Variants in PLXNA4 observed in about 807,000 individuals in gnomAD.
PLXNA4 encodes the protein plexin-A4.
PLXNA4 carries 44 observed loss-of-function variants against 191.8 expected under a neutral mutation model. The ratio of observed to expected loss-of-function variants is 0.23; its 90% CI spans 0.18 to 0.29. The LOEUF is 0.29. Ranked by LOEUF, PLXNA4 falls within the 10% of genes least tolerant of loss-of-function variation. The probability of loss-of-function intolerance (pLI) is 1.00; values close to 1 mark genes in which losing one functional copy is unlikely to be tolerated. For missense variants in PLXNA4, 1,800 were observed against 2,488.8 expected (o/e 0.72, Z 5.89); for synonymous variants, 1,082 against 1,009.5 (o/e 1.07, Z -1.36).
intron 1 of PLXNA4, among the ~76,000 whole-genome samples, chr7:132,569,980 T>C (rs925374810): frequency 2.6e-5 from 4 of 152,224 alleles, no homozygotes; most frequent in African/African-American, 9.6e-5. Context: ...ACAGTAGTCA[T>C]AGCAAAGTGC....
chr7:132,377,960 T>A (rs967966142), intron 3 of PLXNA4, among the ~76,000 whole-genome samples: 1 of 152,128 alleles, frequency 6.6e-6, no homozygotes, highest in Non-Finnish European at 1.5e-5. Flanking sequence ...AGGCAATGGA[T>A]AGGGCTTTCA....
At chr7:132,150,524 A>G in intron 25 of PLXNA4, among the ~76,000 whole-genome samples, 1 of 152,210 alleles carries the variant, frequency 6.6e-6, no homozygotes, top group East Asian at 1.9e-4. Flanking sequence ...GGCACAACAA[A>G]AAAAAGGAGC....
At chr7:132,579,438 C>CGTGT (rs113591004), upstream of PLXNA4, among the ~76,000 whole-genome samples, 5 of 145,404 alleles carry the variant, frequency 3.4e-5, no homozygotes, top group South Asian at 2.2e-4. Context: ...TGTGTGTGTG[C>CGTGT]GTGTGTGTGT....
intron 13 of PLXNA4, among the ~76,000 whole-genome samples, chr7:132,198,131 G>A (rs564027446): frequency 6.6e-6 from 1 of 152,164 alleles, no homozygotes; most frequent in African/African-American, 2.4e-5. Flanking sequence ...TGCTGGGGGG[G>A]ATGTGAGCGG....
At chr7:132,492,471 C>A (rs937795457) in intron 2 of PLXNA4, among the ~76,000 whole-genome samples, 10 of 152,212 alleles carry the variant, frequency 6.6e-5, no homozygotes, top group African/African-American at 2.4e-4. Flanking sequence ...CAGGCAAGAT[C>A]TGGGACAATG....
intron 3 of PLXNA4, among the ~76,000 whole-genome samples, chr7:132,302,743 C>A (rs1424720138): frequency 6.6e-6 from 1 of 151,768 alleles, no homozygotes; most frequent in Non-Finnish European, 1.5e-5. Context: ...GGAAAGACAG[C>A]CCATGCCAGA....
At chr7:132,564,057 T>C (rs1254305710) in intron 1 of PLXNA4, among the ~76,000 whole-genome samples, 2 of 44,696 alleles carry the variant, frequency 4.5e-5, no homozygotes, top group Admixed American at 5.5e-4. Context: ...TCCCCCTCTT[T>C]CTCCTCCTCC....
chr7:132,555,561 G>A (rs906921151), intron 1 of PLXNA4, among the ~76,000 whole-genome samples: 1 of 152,302 alleles, frequency 6.6e-6, no homozygotes, highest in South Asian at 2.1e-4. Flanking sequence ...CAAGCAGTGT[G>A]CAAGCTATTT....
In PLXNA4 at chr7:132,187,593, TGA is replaced by T; in HGVS notation, c.2869_2870del (p.Ser957ArgfsTer56). On this transcript the variant is annotated frameshift_variant, in exon 15 of 32. Transcript: ENST00000321063. LOFTEE classifies it high-confidence loss of function. Reference protein sequence around the residue: ...QLYYFMTLTLSDLKPSRGPMS... With the variant: ...QLYYFMTLTLXDLKPSRGPMS... ...TGGGCCCCCGGCTGGGCTTCAGATC[TGA>T]GAGAGTCAGTGTCTGTGTAGAAAGG... 1 of 1,613,334 alleles carries T rather than the reference TGA, an allele frequency of 6.2e-7. No homozygotes were observed. The highest frequency in any genetic ancestry group is 8.5e-7 in the Non-Finnish European group (1 of 1,179,582).
intron 13 of PLXNA4, among the ~76,000 whole-genome samples, chr7:132,196,934 A>G (rs1797271344): frequency 6.6e-6 from 1 of 152,158 alleles, no homozygotes; most frequent in Admixed American, 6.6e-5. Flanking sequence ...TTTATTTATA[A>G]AAGCTCTTTA....
intron 4 of PLXNA4, among the ~76,000 whole-genome samples, chr7:132,295,229 A>C (rs1291652955): frequency 2.6e-5 from 4 of 152,224 alleles, no homozygotes; most frequent in Admixed American, 6.5e-5. Flanking sequence ...TTAGGCTGGC[A>C]AGGCATCGGA....
Position 132,540,569 on chromosome 7 carries a change from C to CTTTTTTTTTTT in PLXNA4, c.-86-31801_-86-31791dup, listed in dbSNP as rs71915138. Reference sequence around the variant, plus strand: ...AGCAGAAGGTGTAGTGTGGACCGTTCTTTTTTTTTTTTTTTTTTTTTTTTT... The same window carrying CTTTTTTTTTTT: ...AGCAGAAGGTGTAGTGTGGACCGTTCTTTTTTTTTTTTTTTTTTTTTTTTTTTTTTTTTTTT... On this transcript the variant is annotated intron_variant, in intron 1 of 31. Transcript: ENST00000321063. 4.5e-3 allele frequency among the ~76,000 whole-genome samples: 277 copies of CTTTTTTTTTTT among 61,002 alleles called. 67 individuals carry two copies. Among genetic ancestry groups the CTTTTTTTTTTT allele is most frequent in the South Asian group, 6.3e-3 (6 of 954 alleles). The allele number at this position is 61,002 out of a possible 152,430, so 40.0% of individuals were successfully genotyped here.
At chr7:132,498,443 A>C (rs540347528) in intron 2 of PLXNA4, among the ~76,000 whole-genome samples, 24 of 152,060 alleles carry the variant, frequency 1.6e-4, no homozygotes, top group Non-Finnish European at 3.2e-4. Flanking sequence ...GTGTGCAGGG[A>C]AACACCCCCT....
At chr7:132,279,864 G>T (rs999226805) in intron 4 of PLXNA4, among the ~76,000 whole-genome samples, 8 of 152,150 alleles carry the variant, frequency 5.3e-5, no homozygotes, top group Admixed American at 4.6e-4. Context: ...TGAGATGGGA[G>T]CCGGACGCCC....
At chr7:132,588,677 A>AAGGGAAGGGG (rs1802547911) in intron 2 of PLXNA4, among the ~76,000 whole-genome samples, 1 of 105,238 alleles carries the variant, frequency 9.5e-6, no homozygotes, top group Non-Finnish European at 1.9e-5. Flanking sequence ...AAGGGAAGGG[A>AAGGGAAGGGG]AGGGAGGAGG....
intron 15 of PLXNA4, among the ~76,000 whole-genome samples, chr7:132,186,743 C>T (rs1796890775): frequency 6.6e-6 from 1 of 152,192 alleles, no homozygotes; most frequent in African/African-American, 2.4e-5. Flanking sequence ...CATTCCTGGG[C>T]ACAGACCAAG....
At chr7:132,540,814 C>T (rs1800046692) in intron 1 of PLXNA4, among the ~76,000 whole-genome samples, 1 of 151,642 alleles carries the variant, frequency 6.6e-6, no homozygotes, top group Admixed American at 6.6e-5. Context: ...GTCTCGATCT[C>T]CTGACCTCAT....
At chr7:132,222,911 G>A (rs1032282065) in intron 9 of PLXNA4, among the ~76,000 whole-genome samples, 1 of 152,120 alleles carries the variant, frequency 6.6e-6, no homozygotes, top group African/African-American at 2.4e-5. Flanking sequence ...CCACTGGGAG[G>A]GCCTGTTTAA....
chr7:132,273,580 G>A lies in PLXNA4; in HGVS notation c.1503+24511C>T, dbSNP rs567668437. On this transcript the variant is annotated intron_variant, in intron 4 of 31. Transcript: ENST00000321063. ...TAGTATTATGCTGCATGGTAATTCC[G>A]CTTAGAGGCAAAGAGGAGAGGGGAG... is the stretch of plus-strand genomic sequence containing the variant. Among the ~76,000 whole-genome samples, 9 of 152,260 alleles carry A rather than the reference G, an allele frequency of 5.9e-5. No individual in the cohort carries two copies. The South Asian group carries it at 1.7e-3, about 28-fold the overall frequency.
Sources: gnomAD v4.1 joint callset for allele counts (sites outside exome capture counted in the v4.1 genomes callset) on GRCh38, gnomAD v4.1.1 for gene constraint, MANE v1.5 for transcripts, NCBI Gene and HGNC (gene_info 2026-07-23, HGNC 2026-07-21) for gene names.